CHSY3: variants seen among roughly 807,000 people sequenced by gnomAD.
The protein encoded by CHSY3 is chondroitin sulfate synthase 3.
Under a neutral mutation model 67.2 loss-of-function variants are expected in CHSY3, and 35 were observed. That is an observed-to-expected ratio of 0.52 (90% CI 0.40 to 0.69). The LOEUF is 0.69. Among genes scored for constraint, CHSY3 ranks in the 30% least tolerant of loss-of-function variants. CHSY3 has a pLI of 0.00. For synonymous variants in CHSY3, 474 were observed against 434.7 expected (o/e 1.09, Z -1.12); for missense variants, 1,069 against 1,138.5 (o/e 0.94, Z 0.88).
intron 2 of CHSY3, among the ~76,000 whole-genome samples, chr5:129,956,029 A>T (rs913533862): frequency 6.6e-6 from 1 of 152,142 alleles, no homozygotes; most frequent in Middle Eastern, 3.2e-3. Context: ...AACAATTTAT[A>T]TTCCTTTGGG....
rs147492551 is a variant in CHSY3 at position 130,162,334 on chromosome 5, G to T, written c.1087-21895G>T. Among the ~76,000 whole-genome samples, 624 of 152,006 alleles carry T rather than the reference G, an allele frequency of 4.1e-3. 8 individuals are homozygous for T. The highest frequency in any genetic ancestry group is 0.036 in the South Asian group (172 of 4,818). On this transcript the variant is annotated intron_variant, in intron 2 of 2. Transcript: ENST00000305031. The stretch of plus-strand genomic sequence containing the variant: ...CTCTTTTGACCTTCATACAAGCATT[G>T]TACATTTGAAAAAGCAATGATTTTT...
intron 2 of CHSY3, among the ~76,000 whole-genome samples, chr5:130,003,338 G>C (rs1763786507): frequency 6.6e-6 from 1 of 152,212 alleles, no homozygotes; most frequent in Non-Finnish European, 1.5e-5. Flanking sequence ...GCTGTTAAAG[G>C]AGCAATAGTT....
At chr5:130,141,756 C>T (rs563277936) in intron 2 of CHSY3, 54 of 477,702 alleles carry the variant, frequency 1.1e-4, no homozygotes, top group South Asian at 8.2e-4. Context: ...AAATTATCAA[C>T]TGGCTGGATA....
Position 130,143,720 on chromosome 5 carries a change from ATGTGTGTG to A in CHSY3, c.1087-40501_1087-40494del, listed in dbSNP as rs371451856. Among the ~76,000 whole-genome samples the A allele has an allele frequency of 8.3e-3, 913 of 110,266 alleles. 44 individuals carry two copies. The highest frequency in any genetic ancestry group is 0.07 in the East Asian group (207 of 2,966). The allele number at this position is 110,266 out of a possible 152,430, so 72.3% of individuals were successfully genotyped here. On this transcript the variant is annotated intron_variant, in intron 2 of 2. Coordinates refer to ENST00000305031, the MANE Select transcript of CHSY3 (RefSeq NM_175856.5). ...TCATACCCATAGGGTATATATATATATGTGTGTGTGTGTGTATATATATATATATATAT... is the reference window on the plus strand; with the variant it reads ...TCATACCCATAGGGTATATATATATATGTGTGTATATATATATATATATAT...
Position 130,101,550 on chromosome 5 carries a change from T to C in CHSY3, c.1087-82679T>C, listed in dbSNP as rs567223055. ...ACATTGTGGAACGGCTAAGTCAATCTCGTTATCATACCCATTACCTCACAT... is the reference window on the plus strand; with the variant it reads ...ACATTGTGGAACGGCTAAGTCAATCCCGTTATCATACCCATTACCTCACAT... On this transcript the variant is annotated intron_variant, in intron 2 of 2. Transcript: ENST00000305031. 2.6e-4 allele frequency among the ~76,000 whole-genome samples: 39 copies of C among 152,282 alleles called. 2 individuals carry two copies. The South Asian group carries it at 4.6e-3, about 18-fold the overall frequency.
intron 2 of CHSY3, among the ~76,000 whole-genome samples, chr5:129,949,089 A>C (rs918333485): frequency 1.3e-5 from 2 of 152,214 alleles, no homozygotes; most frequent in African/African-American, 4.8e-5. Context: ...ACAGGAAACT[A>C]TCACAGTCAC....
intron 2 of CHSY3, among the ~76,000 whole-genome samples, chr5:129,982,080 T>C (rs1417631885): frequency 6.6e-6 from 1 of 152,188 alleles, no homozygotes; most frequent in East Asian, 1.9e-4. Context: ...TTTTTATACA[T>C]TGTTCACTTT....
At chr5:129,982,640 A>G (rs1328139714) in intron 2 of CHSY3, among the ~76,000 whole-genome samples, 1 of 152,082 alleles carries the variant, frequency 6.6e-6, no homozygotes, top group Non-Finnish European at 1.5e-5. Context: ...AATATATTCT[A>G]ATAGCCTCAT....
intron 2 of CHSY3, among the ~76,000 whole-genome samples, chr5:130,014,496 C>G (rs1764156438): frequency 6.6e-6 from 1 of 152,110 alleles, no homozygotes; most frequent in Non-Finnish European, 1.5e-5. Context: ...AGTGCCAGGC[C>G]AGATGGGGAA....
intron 2 of CHSY3, among the ~76,000 whole-genome samples, chr5:129,990,658 C>G (rs1345463152): frequency 6.6e-6 from 1 of 152,070 alleles, no homozygotes; most frequent in Admixed American, 6.6e-5. Flanking sequence ...CAATCAAATT[C>G]TATCCATTTA....
At chr5:130,139,029 G>T (rs1002463857) in intron 2 of CHSY3, among the ~76,000 whole-genome samples, 45 of 151,922 alleles carry the variant, frequency 3.0e-4, no homozygotes, top group African/African-American at 1.1e-3. Context: ...TTGCTCCTAG[G>T]GCTATACACC....
chr5:130,000,157 A>C (rs1293934611), intron 2 of CHSY3, among the ~76,000 whole-genome samples: 1 of 152,210 alleles, frequency 6.6e-6, no homozygotes, highest in Non-Finnish European at 1.5e-5. Context: ...ATTATGGATA[A>C]CATATGTTTT....
chr5:129,944,940 A>C (rs1761807818), intron 2 of CHSY3, among the ~76,000 whole-genome samples: 2 of 152,232 alleles, frequency 1.3e-5, no homozygotes, highest in Non-Finnish European at 2.9e-5. Flanking sequence ...TAAAAAAGGA[A>C]TGAAACAGAA....
At chr5:129,975,286 A>G (rs1372038075) in intron 2 of CHSY3, among the ~76,000 whole-genome samples, 1 of 152,174 alleles carries the variant, frequency 6.6e-6, no homozygotes, top group Non-Finnish European at 1.5e-5. Flanking sequence ...GGATACAATT[A>G]TAGTAGCATC....
At chr5:130,011,535 C>A (rs891026304) in intron 2 of CHSY3, among the ~76,000 whole-genome samples, 1 of 152,124 alleles carries the variant, frequency 6.6e-6, no homozygotes, top group African/African-American at 2.4e-5. Context: ...TGGGCAAAAC[C>A]TGGAAGCATT....
intron 2 of CHSY3, among the ~76,000 whole-genome samples, chr5:130,049,408 C>A (rs1009272392): frequency 6.6e-6 from 1 of 151,954 alleles, no homozygotes; most frequent in African/African-American, 2.4e-5. Context: ...AAGCTCTTTC[C>A]CCTTTTATTT....
chr5:130,060,981 C>T (rs779460803), intron 2 of CHSY3, among the ~76,000 whole-genome samples: 4 of 151,982 alleles, frequency 2.6e-5, no homozygotes, highest in African/African-American at 7.2e-5. Flanking sequence ...TCAAAATGAC[C>T]GTACTGCCTA....
At chr5:130,082,196 T>C (rs1766467816) in intron 2 of CHSY3, among the ~76,000 whole-genome samples, 1 of 152,052 alleles carries the variant, frequency 6.6e-6, no homozygotes, top group South Asian at 2.1e-4. Flanking sequence ...GGAATTATGA[T>C]TATTATGGTC....
chr5:130,076,311 CT>C lies in CHSY3; in HGVS notation c.1087-107904del, dbSNP rs79134351. ...AGCTAAAACTGAATCTTTTTTCTTTCTTTTTTTTTTTTTTCTCCAAAATCCA... is the reference window on the plus strand; with the variant it reads ...AGCTAAAACTGAATCTTTTTTCTTTCTTTTTTTTTTTTTCTCCAAAATCCA... On this transcript the variant is annotated intron_variant, in intron 2 of 2. Transcript: ENST00000305031. Among the ~76,000 whole-genome samples, 717 of 141,480 alleles carry C rather than the reference CT, an allele frequency of 5.1e-3. 1 individual carries two copies. Among genetic ancestry groups the C allele is most frequent in the Admixed American group, 8.2e-3 (116 of 14,092 alleles). 92.8% of individuals were successfully genotyped at this position (141,480 alleles called of 152,430 possible).
Sources: gnomAD v4.1 joint callset for allele counts (sites outside exome capture counted in the v4.1 genomes callset) on GRCh38, gnomAD v4.1.1 for gene constraint, MANE v1.5 for transcripts, NCBI Gene and HGNC (gene_info 2026-07-23, HGNC 2026-07-21) for gene names.